The following RPS6KA2 variants were observed in gnomAD, a reference collection of about 807,000 sequenced individuals.
RPS6KA2 encodes ribosomal protein S6 kinase A2, also known as ribosomal protein S6 kinase alpha-2.
A neutral mutation model predicts 91.8 loss-of-function variants in RPS6KA2; 42 were observed. That is an observed-to-expected ratio of 0.46 (90% CI 0.36 to 0.59). The LOEUF (loss-of-function observed/expected upper bound fraction) is 0.59. RPS6KA2 is among the 20% of genes least tolerant of loss of function. The pLI is 0.00. For missense variants in RPS6KA2, 798 were observed against 978.5 expected, an observed-to-expected ratio of 0.82 and a Z score of 2.46; for synonymous variants, 414 against 393.6, an observed-to-expected ratio of 1.05 and a Z score of -0.61.
rs960855245 is a variant in RPS6KA2 at position 166,557,350 on chromosome 6, C to A, written c.100-18566G>T. ...TAAATCGACATAAACACGGTCCTGG[C>A]CACCACGTCCCCCACAGACTCAATG... On this transcript the variant is annotated intron_variant, in intron 1 of 20. Transcript: ENST00000265678. The surrounding 1 kb of genome is among the most constrained non-coding windows in gnomAD (Gnocchi z 4.8). 1.3e-5 allele frequency among the ~76,000 whole-genome samples: 2 copies of A among 152,244 alleles called. No homozygotes were observed. Among genetic ancestry groups the A allele is most frequent in the South Asian group, 2.1e-4 (1 of 4,832 alleles).
At chr6:166,860,489 C>A (rs1380273784) in intron 1 of RPS6KA2, among the ~76,000 whole-genome samples, 1 of 152,170 alleles carries the variant, frequency 6.6e-6, no homozygotes, top group Non-Finnish European at 1.5e-5. Flanking sequence ...ATTGCTGATC[C>A]ATTTATGAGC....
intron 2 of RPS6KA2, among the ~76,000 whole-genome samples, chr6:166,532,643 C>A (rs1380609795): frequency 6.6e-6 from 1 of 152,140 alleles, no homozygotes; most frequent in African/African-American, 2.4e-5. Context: ...GAAAGCACCC[C>A]AGCACCCCTA....
At chr6:166,773,226 G>C (rs1778523093) in intron 2 of RPS6KA2, among the ~76,000 whole-genome samples, 1 of 152,178 alleles carries the variant, frequency 6.6e-6, no homozygotes, top group South Asian at 2.1e-4. Context: ...TGACTGTGCA[G>C]GTTGGAGAAG....
chr6:166,732,673 C>T lies in RPS6KA2; in HGVS notation c.123+125527G>A, dbSNP rs1466319968. Among the ~76,000 whole-genome samples the T allele has an allele frequency of 2.0e-5, 3 of 152,164 alleles. No homozygotes were observed. Among genetic ancestry groups the T allele is most frequent in the Admixed American group, 6.5e-5 (1 of 15,280 alleles). ...GGGATTGCTGTCTAGGGGATGGAAGCGCAAAGAAGCTCGGAGCTCCCACAG... is the reference window on the plus strand; with the variant it reads ...GGGATTGCTGTCTAGGGGATGGAAGTGCAAAGAAGCTCGGAGCTCCCACAG... On this transcript the variant is annotated intron_variant, in intron 2 of 21. Transcript: ENST00000503859. This position sits in a 1 kb window ranked among gnomAD's most constrained non-coding sequence, Gnocchi z 4.0.
chr6:166,803,803 G>A (rs1304629853), intron 2 of RPS6KA2, among the ~76,000 whole-genome samples: 1 of 152,176 alleles, frequency 6.6e-6, no homozygotes, highest in Non-Finnish European at 1.5e-5. Context: ...TTGCCTCTTA[G>A]ATATTCCATA....
chr6:166,510,791 C>T (rs904915536), intron 3 of RPS6KA2, among the ~76,000 whole-genome samples: 1 of 151,588 alleles, frequency 6.6e-6, no homozygotes, highest in Non-Finnish European at 1.5e-5. Flanking sequence ...TCAGTCCTCC[C>T]CTCCACGTCG....
chr6:166,764,972 C>T (rs944857775), intron 2 of RPS6KA2, among the ~76,000 whole-genome samples: 16 of 152,256 alleles, frequency 1.1e-4, no homozygotes, highest in Admixed American at 3.9e-4. Context: ...CATATGTCCA[C>T]GGAGGTGGCA....
At chr6:166,511,191 G>T (rs892643374) in intron 3 of RPS6KA2, among the ~76,000 whole-genome samples, 1 of 152,134 alleles carries the variant, frequency 6.6e-6, no homozygotes, top group Non-Finnish European at 1.5e-5. Context: ...AGGTCTTCAT[G>T]TCCCTTTGTA....
At chr6:166,813,021 G>A (rs1779677793) in intron 2 of RPS6KA2, among the ~76,000 whole-genome samples, 1 of 152,098 alleles carries the variant, frequency 6.6e-6, no homozygotes, top group African/African-American at 2.4e-5. Flanking sequence ...ACTAAATCCT[G>A]AGACACTCAC....
intron 1 of RPS6KA2, among the ~76,000 whole-genome samples, chr6:166,542,728 T>C (rs1031088404): frequency 1.3e-5 from 2 of 152,178 alleles, no homozygotes; most frequent in African/African-American, 4.8e-5. Flanking sequence ...GGGAGAAAGA[T>C]GAGGGCGGTT....
At chr6:166,637,727 G>A (rs1787294066) in intron 2 of RPS6KA2, among the ~76,000 whole-genome samples, 1 of 152,252 alleles carries the variant, frequency 6.6e-6, no homozygotes, top group African/African-American at 2.4e-5. Context: ...ATTGAAATGT[G>A]TGTTTTGACC....
chr6:166,625,493 C>G (rs1222475331), intron 1 of RPS6KA2, among the ~76,000 whole-genome samples: 1 of 152,086 alleles, frequency 6.6e-6, no homozygotes, highest in Admixed American at 6.5e-5. Flanking sequence ...TCTTCATAAA[C>G]AATGCCTGGA....
intron 3 of RPS6KA2, among the ~76,000 whole-genome samples, chr6:166,529,609 G>C (rs566403368): frequency 1.1e-4 from 16 of 152,014 alleles, no homozygotes; most frequent in Non-Finnish European, 1.9e-4. Flanking sequence ...GTTAAATTAC[G>C]TTACAATTGA....
rs1485847575 is a variant in RPS6KA2 at position 166,626,245 on chromosome 6, A to G, written c.99+676T>C. Among the ~76,000 whole-genome samples the G allele has an allele frequency of 1.3e-5, 2 of 152,272 alleles. No homozygotes were observed. The highest frequency in any genetic ancestry group is 2.9e-5 in the Non-Finnish European group (2 of 68,048). Reference sequence around the variant, plus strand: ...GAACCGTCCACAAGGAAACTCTAAGATGCCAAGATGCGGGACAGGTAGAAA... The same window carrying G: ...GAACCGTCCACAAGGAAACTCTAAGGTGCCAAGATGCGGGACAGGTAGAAA... On this transcript the variant is annotated intron_variant, in intron 1 of 20. Coordinates refer to ENST00000265678, the MANE Select transcript of RPS6KA2 (RefSeq NM_021135.6). The surrounding 1 kb of genome is among the most constrained non-coding windows in gnomAD (Gnocchi z 4.1).
At chr6:166,773,832 G>A (rs1377386717) in intron 2 of RPS6KA2, among the ~76,000 whole-genome samples, 2 of 152,124 alleles carry the variant, frequency 1.3e-5, no homozygotes, top group Non-Finnish European at 2.9e-5. Context: ...AAAAACTACC[G>A]TTGAGATGAC....
At position 166,591,719 on chromosome 6, in the gene RPS6KA2, G is replaced by A. The variant is rs576415704; in HGVS notation, c.99+35202C>T. ...TCTCGGAAATCCACCCTCCAGGACT[G>A]TGAGAGCATAAACTCCTGTCGGTTA... is the stretch of plus-strand genomic sequence containing the variant. On this transcript the variant is annotated intron_variant, in intron 1 of 20. Coordinates refer to ENST00000265678, the MANE Select transcript of RPS6KA2 (RefSeq NM_021135.6). 1.8e-4 allele frequency among the ~76,000 whole-genome samples: 27 copies of A among 152,342 alleles called. No individual in the cohort carries two copies. The South Asian group carries it at 5.2e-3, about 29-fold the overall frequency.
At chr6:166,640,128 T>C (rs1386306680) in intron 2 of RPS6KA2, among the ~76,000 whole-genome samples, 10 of 151,362 alleles carry the variant, frequency 6.6e-5, no homozygotes. Context: ...AGCCTATACA[T>C]AAATTATAGA....
At chr6:166,586,349 C>T (rs1198581460) in intron 1 of RPS6KA2, 51 of 1,599,474 alleles carry the variant, frequency 3.2e-5, no homozygotes, top group African/African-American at 4.9e-5. Flanking sequence ...CTCTGCTATT[C>T]CATTCCTCAA....
At chr6:166,609,570 G>A (rs1189257392) in intron 1 of RPS6KA2, among the ~76,000 whole-genome samples, 1 of 150,356 alleles carries the variant, frequency 6.7e-6, no homozygotes, top group East Asian at 1.9e-4. Context: ...TGCAGTCTTG[G>A]CTCACCGTAA....
Sources: allele counts gnomAD v4.1 joint callset (sites outside exome capture counted in the v4.1 genomes callset), GRCh38; gene constraint gnomAD v4.1.1; non-coding constraint Gnocchi (gnomAD v3.1); transcripts MANE v1.5; gene names NCBI Gene and HGNC (gene_info 2026-07-23, HGNC 2026-07-21).